The following RFX3 variants were observed in gnomAD, a reference collection of about 807,000 sequenced individuals.
RFX3 encodes regulatory factor X3, also known as transcription factor RFX3.
In RFX3, 14 loss-of-function variants were observed where a neutral mutation model predicts 98.6. The ratio of observed to expected loss-of-function variants is 0.14; its 90% CI spans 0.09 to 0.22. The LOEUF is 0.22. Among genes scored for constraint, RFX3 ranks in the 10% least tolerant of loss-of-function variants. RFX3 has a pLI of 1.00. For synonymous variants in RFX3, 383 were observed against 328.4 expected, an observed-to-expected ratio of 1.17 and a Z score of -1.80; for missense variants, 639 against 926.9, an observed-to-expected ratio of 0.69 and a Z score of 4.03.
chr9:3,273,796 C>G (rs1027550331), intron 9 of RFX3, among the ~76,000 whole-genome samples: 1 of 146,010 alleles, frequency 6.8e-6, no homozygotes, highest in Non-Finnish European at 1.5e-5. Context: ...ACCCAGGAGG[C>G]GGTGGTTGCA....
intron 4 of RFX3, among the ~76,000 whole-genome samples, chr9:3,317,069 T>C (rs140912554): frequency 0.021 from 3,140 of 152,308 alleles, 50 homozygotes; most frequent in African/African-American, 0.031. Context: ...CAGACAATCC[T>C]AAGCCAAAAG....
chr9:3,256,378 G>A (rs1032699858), intron 14 of RFX3, among the ~76,000 whole-genome samples: 1 of 150,130 alleles, frequency 6.7e-6, no homozygotes, highest in African/African-American at 2.4e-5. Context: ...TGTGCAGCCA[G>A]GTTTGAAAAC....
intron 6 of RFX3, among the ~76,000 whole-genome samples, chr9:3,292,100 A>AAAAT (rs1827457239): frequency 1.7e-5 from 2 of 120,216 alleles, no homozygotes; most frequent in Non-Finnish European, 1.8e-5. Context: ...AAAAAAAAAA[A>AAAAT]CTCTTTACGA....
intron 8 of RFX3, among the ~76,000 whole-genome samples, chr9:3,275,895 C>T (rs1420167415): frequency 1.3e-5 from 2 of 151,984 alleles, no homozygotes; most frequent in Non-Finnish European, 2.9e-5. Context: ...TCTCTCAACA[C>T]AAGGCCCCTA....
chr9:3,408,624 A>C (rs568505039), intron 1 of RFX3, among the ~76,000 whole-genome samples: 11 of 151,210 alleles, frequency 7.3e-5, no homozygotes, highest in African/African-American at 2.7e-4. Flanking sequence ...ACACACACAC[A>C]CACACACACA....
rs1564185776 is a variant in RFX3 at position 3,504,926 on chromosome 9, ATT to A, written c.-9+20819_-9+20820del. On this transcript the variant is annotated intron_variant, in intron 1 of 16. Transcript: ENST00000617270. ...TATATATATATATAATATAACATAT[ATT>A]ATATATAATATATATAATATAATAT... Among the ~76,000 whole-genome samples the A allele has an allele frequency of 2.2e-4, 16 of 74,280 alleles. 1 individual carries two copies. The highest frequency in any genetic ancestry group is 1.0e-3 in the African/African-American group (16 of 15,268). 48.7% of individuals were successfully genotyped at this position (74,280 alleles called of 152,430 possible).
chr9:3,458,316 T>C (rs139792203), intron 1 of RFX3, among the ~76,000 whole-genome samples: 104 of 152,344 alleles, frequency 6.8e-4, no homozygotes, highest in African/African-American at 2.3e-3. Context: ...ATGTATGCCA[T>C]TGATATAGAC....
At chr9:3,342,825 C>T (rs1449026688) in intron 3 of RFX3, among the ~76,000 whole-genome samples, 1 of 152,076 alleles carries the variant, frequency 6.6e-6, no homozygotes, top group Non-Finnish European at 1.5e-5. Context: ...GATGATCAAG[C>T]CTTTGGGAAA....
At chr9:3,334,848 G>A (rs1162722697) in intron 3 of RFX3, among the ~76,000 whole-genome samples, 4 of 152,232 alleles carry the variant, frequency 2.6e-5, no homozygotes, top group Admixed American at 6.5e-5. Context: ...GGCCAGGCGC[G>A]GTGGTTCATG....
chr9:3,235,994 G>A (rs577977007), intron 15 of RFX3, among the ~76,000 whole-genome samples: 3 of 152,062 alleles, frequency 2.0e-5, no homozygotes, highest in African/African-American at 7.2e-5. Context: ...ATTTGCTTGA[G>A]TGAAACCATA....
At chr9:3,418,782 T>C (rs1167775416) in intron 1 of RFX3, among the ~76,000 whole-genome samples, 1 of 152,336 alleles carries the variant, frequency 6.6e-6, no homozygotes, top group Non-Finnish European at 1.5e-5. Flanking sequence ...TTGCTTAGAA[T>C]TCATATTTTT....
intron 4 of RFX3, among the ~76,000 whole-genome samples, chr9:3,321,488 T>C (rs1476570584): frequency 6.6e-6 from 1 of 152,198 alleles, no homozygotes; most frequent in Non-Finnish European, 1.5e-5. Context: ...GTGGTATTTC[T>C]TTGTAGTTTA....
intron 1 of RFX3, among the ~76,000 whole-genome samples, chr9:3,484,724 C>T (rs961649512): frequency 6.6e-6 from 1 of 152,036 alleles, no homozygotes; most frequent in African/African-American, 2.4e-5. Context: ...CTGGTTTCTC[C>T]CTAAGGTAAT....
At position 3,369,253 on chromosome 9, in the gene RFX3, C is replaced by A. The variant is rs1837541127; in HGVS notation, c.118-22489G>T. On this transcript the variant is annotated intron_variant, in intron 2 of 16. Transcript: ENST00000617270. ...AATTTCAAGATCAAGGCAGATTCAA[C>A]GTTTGATGACAGCCTGCTTTCTGGC... is the stretch of plus-strand genomic sequence containing the variant. Among the ~76,000 whole-genome samples the A allele has an allele frequency of 2.6e-5, 4 of 152,288 alleles. No homozygotes were observed. The South Asian group carries it at 8.3e-4, about 32-fold the overall frequency.
intron 1 of RFX3, among the ~76,000 whole-genome samples, chr9:3,463,883 G>A (rs116285116): frequency 2.0e-5 from 3 of 152,070 alleles, no homozygotes; most frequent in African/African-American, 7.2e-5. Flanking sequence ...TGAGGTGGGA[G>A]GATTGTTTGG....
intron 1 of RFX3, among the ~76,000 whole-genome samples, chr9:3,475,602 T>C (rs768607986): frequency 2.8e-4 from 42 of 152,248 alleles, no homozygotes; most frequent in Non-Finnish European, 5.9e-4. Context: ...CGCTATTATT[T>C]CTGCATAATA....
At chr9:3,353,175 C>T (rs530163149) in intron 2 of RFX3, among the ~76,000 whole-genome samples, 4 of 132,918 alleles carry the variant, frequency 3.0e-5, no homozygotes, top group Non-Finnish European at 6.1e-5. Flanking sequence ...GGAAGGGGAA[C>T]ATCACACTCT....
intron 4 of RFX3, among the ~76,000 whole-genome samples, chr9:3,308,759 C>G (rs1205230072): frequency 6.6e-6 from 1 of 152,066 alleles, no homozygotes. Context: ...TGACCCACCC[C>G]CATGCCATGA....
intron 5 of RFX3, among the ~76,000 whole-genome samples, chr9:3,297,629 G>C (rs988805893): frequency 3.3e-5 from 5 of 151,860 alleles, no homozygotes; most frequent in Non-Finnish European, 7.4e-5. Flanking sequence ...TATGCATTTT[G>C]ACAGGCCTTA....
Sources: allele counts gnomAD v4.1 joint callset (sites outside exome capture counted in the v4.1 genomes callset), GRCh38; gene constraint gnomAD v4.1.1; transcripts MANE v1.5; gene names NCBI Gene and HGNC (gene_info 2026-07-23, HGNC 2026-07-21).